CSMD1: variants seen among roughly 807,000 people sequenced by gnomAD.
CSMD1 encodes the protein CUB and sushi domain-containing protein 1.
Under a neutral mutation model 417.5 loss-of-function variants are expected in CSMD1, and 213 were observed. The ratio of observed to expected loss-of-function variants is 0.51; its 90% CI spans 0.46 to 0.57. CSMD1 has a LOEUF of 0.57. CSMD1 is among the 20% of genes least tolerant of loss of function. The pLI is 0.00. For missense variants in CSMD1, 6,923 were observed against 4,529.7 expected, an observed-to-expected ratio of 1.53 and a Z score of -15.17; for synonymous variants, 2,862 against 1,736.8, an observed-to-expected ratio of 1.65 and a Z score of -16.11.
chr8:4,041,004 C>A (rs1271638824), intron 3 of CSMD1, among the ~76,000 whole-genome samples: 1 of 129,806 alleles, frequency 7.7e-6, no homozygotes, highest in Admixed American at 8.7e-5. Flanking sequence ...TCTTTTCTTT[C>A]TTTTTTTTTT....
At chr8:3,576,769 T>C (rs1800167628) in intron 9 of CSMD1, among the ~76,000 whole-genome samples, 1 of 152,210 alleles carries the variant, frequency 6.6e-6, no homozygotes, top group South Asian at 2.1e-4. Context: ...TGAGCTGTTC[T>C]CAGAGAGGAT....
At chr8:4,435,156 A>G (rs539089047) in intron 2 of CSMD1, among the ~76,000 whole-genome samples, 2 of 152,212 alleles carry the variant, frequency 1.3e-5, no homozygotes, top group South Asian at 4.1e-4. Context: ...TATTATTTTT[A>G]TAAATATAAC....
intron 2 of CSMD1, among the ~76,000 whole-genome samples, chr8:4,539,734 A>C (rs1251264165): frequency 6.6e-6 from 1 of 152,198 alleles, no homozygotes; most frequent in Non-Finnish European, 1.5e-5. Flanking sequence ...GATTTTACGG[A>C]AACAAAATGT....
intron 4 of CSMD1, among the ~76,000 whole-genome samples, chr8:3,998,971 T>C (rs1312810688): frequency 2.7e-5 from 4 of 147,390 alleles, no homozygotes; most frequent in African/African-American, 9.8e-5. Context: ...AGTTTATATA[T>C]AAATAACATA....
At chr8:4,526,630 GA>G (rs1796527372) in intron 2 of CSMD1, among the ~76,000 whole-genome samples, 3 of 152,142 alleles carry the variant, frequency 2.0e-5, no homozygotes, top group African/African-American at 7.2e-5. Context: ...TCACTCTTGG[GA>G]ATTAACAAAA....
rs1563388937 is a variant in CSMD1 at position 4,789,155 on chromosome 8, G to GAAATACAATC, written c.86-151598_86-151597insGATTGTATTT. 5.3e-5 allele frequency among the ~76,000 whole-genome samples: 8 copies of GAAATACAATC among 152,178 alleles called. No individual in the cohort carries two copies. The South Asian group carries it at 1.2e-3, about 24-fold the overall frequency. ...GAGTTCACTGAAAATGAAATACAAT[G>GAAATACAATC]TTGTATGTTCAGATGAATGCTTTGT... On this transcript the variant is annotated intron_variant, in intron 1 of 69. Coordinates refer to ENST00000635120, the MANE Select transcript of CSMD1 (RefSeq NM_033225.6).
At position 3,989,627 on chromosome 8, in the gene CSMD1, C is replaced by CA. The variant is rs966116683; in HGVS notation, c.818+8275dup. On this transcript the variant is annotated intron_variant, in intron 5 of 69. Transcript: ENST00000635120. ...TGCCATCTATTTTAAATTTATAATT[C>CA]AAAAAAAATTAAAGTCTTTATGATG... Among the ~76,000 whole-genome samples, 233 of 151,620 alleles carry CA rather than the reference C, an allele frequency of 1.5e-3. 2 individuals carry two copies. Among genetic ancestry groups the CA allele is most frequent in the African/African-American group, 5.1e-3 (213 of 41,362 alleles).
chr8:3,102,285 G>A (rs976252517), intron 46 of CSMD1, among the ~76,000 whole-genome samples: 4 of 152,090 alleles, frequency 2.6e-5, no homozygotes, highest in Non-Finnish European at 4.4e-5. Context: ...GACATCTAGG[G>A]TCTTATTTCC....
At chr8:3,297,911 A>G (rs1327621873) in intron 25 of CSMD1, among the ~76,000 whole-genome samples, 1 of 152,182 alleles carries the variant, frequency 6.6e-6, no homozygotes, top group Non-Finnish European at 1.5e-5. Flanking sequence ...AAAAGAAATC[A>G]TTTCAGTATA....
At chr8:4,152,222 T>C (rs1796604864) in intron 3 of CSMD1, among the ~76,000 whole-genome samples, 1 of 152,192 alleles carries the variant, frequency 6.6e-6, no homozygotes, top group South Asian at 2.1e-4. Flanking sequence ...CCATACACTT[T>C]CAACATTATT....
chr8:3,271,226 A>G (rs906728998), intron 26 of CSMD1, among the ~76,000 whole-genome samples: 3 of 151,598 alleles, frequency 2.0e-5, no homozygotes, highest in African/African-American at 4.9e-5. Flanking sequence ...ATGATTTCCA[A>G]TTTCTTCCAT....
At chr8:4,394,732 A>G (rs868374640) in intron 3 of CSMD1, among the ~76,000 whole-genome samples, 27 of 152,032 alleles carry the variant, frequency 1.8e-4, no homozygotes, top group African/African-American at 6.3e-4. Flanking sequence ...AAAGAGTGAC[A>G]TTTTCTCTTT....
chr8:4,198,857 T>C (rs1474801768), intron 3 of CSMD1, among the ~76,000 whole-genome samples: 1 of 152,168 alleles, frequency 6.6e-6, no homozygotes, highest in Admixed American at 6.5e-5. Context: ...AGCGCAACAA[T>C]ATCACGTATT....
chr8:3,767,762 G>A (rs7816314), intron 5 of CSMD1, among the ~76,000 whole-genome samples: 114,579 of 152,070 alleles, frequency 0.75, 43,793 homozygotes, highest in South Asian at 0.83. Context: ...AAACATTAAT[G>A]ACACTCAGAG....
chr8:4,934,105 G>A (rs1489130513), intron 1 of CSMD1, among the ~76,000 whole-genome samples: 1 of 152,100 alleles, frequency 6.6e-6, no homozygotes, highest in African/African-American at 2.4e-5. Context: ...GCAGCCGTGA[G>A]CACCAGGGAG....
chr8:4,650,311 C>G (rs982587055), intron 1 of CSMD1, among the ~76,000 whole-genome samples: 1 of 140,776 alleles, frequency 7.1e-6, no homozygotes, highest in Admixed American at 7.5e-5. Context: ...TGCCACTGCA[C>G]TCCAGCCTGG....
At chr8:3,864,767 G>A (rs1036066958) in intron 5 of CSMD1, among the ~76,000 whole-genome samples, 1 of 152,130 alleles carries the variant, frequency 6.6e-6, no homozygotes, top group African/African-American at 2.4e-5. Context: ...AGGCACCATC[G>A]TGGTTAACTA....
At position 3,228,421 on chromosome 8, in the gene CSMD1, C is replaced by A. The variant is rs919831992; in HGVS notation, c.4345+1619G>T. 3.9e-5 allele frequency among the ~76,000 whole-genome samples: 6 copies of A among 152,178 alleles called. No individual in the cohort carries two copies. In the East Asian group the frequency reaches 1.2e-3, roughly 29 times the overall value. On this transcript the variant is annotated intron_variant, in intron 27 of 69. Coordinates refer to ENST00000635120, the MANE Select transcript of CSMD1 (RefSeq NM_033225.6). ...AACTTATTTCCAATTATATATTTTC[C>A]ATTTTTCTGTTACATAACACCTACG...
Position 3,979,831 on chromosome 8 carries a change from T to C in CSMD1, c.818+18072A>G, listed in dbSNP as rs148240730. 3.9e-3 allele frequency among the ~76,000 whole-genome samples: 597 copies of C among 152,326 alleles called. 8 individuals are homozygous for C. Among genetic ancestry groups the C allele is most frequent in the South Asian group, 0.03 (145 of 4,828 alleles). ...ACAATACAAACCCATGAAGAAAATG[T>C]AGAGAAGTGTCTAAATTTTCAGAGC... On this transcript the variant is annotated intron_variant, in intron 5 of 69. Transcript: ENST00000635120.
Sources: allele counts gnomAD v4.1 joint callset (sites outside exome capture counted in the v4.1 genomes callset), GRCh38; gene constraint gnomAD v4.1.1; transcripts MANE v1.5; gene names NCBI Gene and HGNC (gene_info 2026-07-23, HGNC 2026-07-21).